CRISP2: variants seen among roughly 807,000 people sequenced by gnomAD.
The protein encoded by CRISP2 is cysteine-rich secretory protein 2.
CRISP2 carries 29 observed loss-of-function variants against 31.7 expected under a neutral mutation model. That is an observed-to-expected ratio of 0.92 (90% confidence interval 0.68 to 1.25). The LOEUF (loss-of-function observed/expected upper bound fraction) is 1.25. CRISP2 is among the 50% of genes most tolerant of loss of function. The pLI is 0.00. For missense variants in CRISP2, 318 were observed against 286.5 expected (o/e 1.11, Z -0.79); for synonymous variants, 111 against 101.4 (o/e 1.09, Z -0.57).
chr6:49,685,263 C>T, the CRISP2 span, among the ~76,000 whole-genome samples: 2 of 152,144 alleles, frequency 1.3e-5, no homozygotes, highest in African/African-American at 4.8e-5. Context: ...ACAGCATTTC[C>T]GCCCTTTGGT....
chr6:49,704,020 C>T (rs1014585219), intron 4 of CRISP2, among the ~76,000 whole-genome samples: 1 of 152,060 alleles, frequency 6.6e-6, no homozygotes. Context: ...TTAATGTAAT[C>T]CCAAACTTCT....
intron 4 of CRISP2, among the ~76,000 whole-genome samples, chr6:49,702,174 TATATATATAA>T (rs1766176917): frequency 8.1e-6 from 1 of 123,366 alleles, no homozygotes; most frequent in African/African-American, 3.1e-5. Context: ...TATATATATA[TATATATATAA>T]CATTTTCTTT....
chr6:49,712,781 T>C (rs1017238530), intron 1 of CRISP2, among the ~76,000 whole-genome samples, 177 bp from the exon 2 acceptor site: 1 of 152,238 alleles, frequency 6.6e-6, no homozygotes, highest in Non-Finnish European at 1.5e-5. Flanking sequence ...TGAGGTCAGA[T>C]TGTATTTCAA....
chr6:49,690,975 A>T (rs926008146), downstream of CRISP2, among the ~76,000 whole-genome samples: 2 of 151,842 alleles, frequency 1.3e-5, no homozygotes, highest in Non-Finnish European at 2.9e-5. Context: ...TTAACCAGTC[A>T]CTAGAGTTAG....
chr6:49,701,498 GTGTATATATATATATATA>G (rs1387098327), intron 4 of CRISP2, among the ~76,000 whole-genome samples: 5 of 62,052 alleles, frequency 8.1e-5, no homozygotes, highest in Non-Finnish European at 1.2e-4. Flanking sequence ...GTGTGTGTGT[GTGTATATATATATATATA>G]TATATATATA....
At chr6:49,713,219 A>G (rs939199762) in intron 1 of CRISP2, among the ~76,000 whole-genome samples, 9 of 152,206 alleles carry the variant, frequency 5.9e-5, no homozygotes, top group African/African-American at 1.9e-4. Context: ...TGTACTTAGA[A>G]TGATTTCTCT....
At chr6:49,712,814 A>T (rs1446672703) in intron 1 of CRISP2, among the ~76,000 whole-genome samples, 1 of 152,206 alleles carries the variant, frequency 6.6e-6, no homozygotes, top group Non-Finnish European at 1.5e-5. Context: ...TCCTTCAAAC[A>T]CTAACAAAAA....
rs1561879318 is a variant in CRISP2, at chr6:49,702,175, A to ATATG, written c.67-1392_67-1391insCATA. ...TATATATATATATATATATATATAT[A>ATATG]TATATATAACATTTTCTTTATCCAC... is the stretch of plus-strand genomic sequence containing the variant. On this transcript the variant is annotated intron_variant, in intron 4 of 9. Coordinates refer to ENST00000339139, the MANE Select transcript of CRISP2 (RefSeq NM_003296.4). Among the ~76,000 whole-genome samples, 2 of 108,950 alleles carry ATATG rather than the reference A, an allele frequency of 1.8e-5. 1 individual carries two copies. Among genetic ancestry groups the ATATG allele is most frequent in the African/African-American group, 7.1e-5 (2 of 28,304 alleles). 71.5% of individuals were successfully genotyped at this position (108,950 alleles called of 152,430 possible).
the CRISP2 span, among the ~76,000 whole-genome samples, chr6:49,687,313 G>A: frequency 1.1e-3 from 164 of 152,206 alleles, no homozygotes; most frequent in Middle Eastern, 3.4e-3. Context: ...TAATGTATTA[G>A]CATATTCAAT....
At chr6:49,703,924 C>T (rs150408149) in intron 4 of CRISP2, among the ~76,000 whole-genome samples, 1 of 148,258 alleles carries the variant, frequency 6.7e-6, no homozygotes, top group African/African-American at 2.5e-5. Context: ...GGAAAGTTTT[C>T]CTCAATTATT....
At chr6:49,680,990 T>C in the CRISP2 span, among the ~76,000 whole-genome samples, 2 of 152,214 alleles carry the variant, frequency 1.3e-5, no homozygotes, top group South Asian at 4.1e-4. Context: ...AGAAACTCTT[T>C]AGTTTAATCA....
At chr6:49,709,831 A>T (rs72862005) in intron 3 of CRISP2, among the ~76,000 whole-genome samples, 2,827 of 152,308 alleles carry the variant, frequency 0.019, 26 homozygotes, top group Non-Finnish European at 0.029. Context: ...TGCATTGAAG[A>T]TATAGCTTAT....
chr6:49,681,308 G>A, the CRISP2 span, among the ~76,000 whole-genome samples: 1 of 152,078 alleles, frequency 6.6e-6, no homozygotes, highest in Admixed American at 6.6e-5. Context: ...AGTTGTAGGT[G>A]TGCTGTCTTA....
chr6:49,709,054 C>G (rs187722545), intron 4 of CRISP2, 77 bp downstream of exon 4: 6 of 1,230,062 alleles, frequency 4.9e-6, no homozygotes, highest in East Asian at 2.3e-5. Flanking sequence ...TCTCTTACCC[C>G]CCTTTACTTT....
chr6:49,682,251 T>G, the CRISP2 span, among the ~76,000 whole-genome samples: 1 of 152,208 alleles, frequency 6.6e-6, no homozygotes, highest in Non-Finnish European at 1.5e-5. Context: ...CAGGTGGTAT[T>G]GTGGCTTTAG....
chr6:49,709,162 A>C lies in CRISP2; in HGVS notation c.35T>G (p.Val12Gly). ...TTCTGCAGGTAAAGATGGAAGCAGCACAGTAACCAGAAACAACACCGGTAG... is the reference window on the plus strand; with the variant it reads ...TTCTGCAGGTAAAGATGGAAGCAGCCCAGTAACCAGAAACAACACCGGTAG... ...ALLPVLFLVTVLLPSLPAEGK... is the reference protein window; with the variant it reads ...ALLPVLFLVTGLLPSLPAEGK... The change falls in exon 4 of 10, where the codon GTG becomes GGG. Residue 12 changes from valine to glycine, a missense_variant. By Grantham distance (109) the Val-to-Gly change is moderately radical. Transcript: ENST00000339139. 6.2e-7 allele frequency: 1 copy of C among 1,613,864 alleles called. No individual in the cohort carries two copies. Among genetic ancestry groups the C allele is most frequent in the African/African-American group, 1.3e-5 (1 of 75,050 alleles).
intron 8 of CRISP2, among the ~76,000 whole-genome samples, chr6:49,697,377 G>T (rs1764945156): frequency 6.9e-6 from 1 of 144,802 alleles, no homozygotes; most frequent in African/African-American, 2.7e-5. Context: ...CCAAATGAAT[G>T]AATAATTTGT....
chr6:49,682,366 C>A, the CRISP2 span, among the ~76,000 whole-genome samples: 6 of 152,132 alleles, frequency 3.9e-5, no homozygotes, highest in African/African-American at 1.4e-4. Flanking sequence ...TTCAACATGT[C>A]CAAACTGAAC....
the CRISP2 span, among the ~76,000 whole-genome samples, chr6:49,681,477 C>A: frequency 1.3e-5 from 2 of 151,916 alleles, no homozygotes; most frequent in African/African-American, 2.4e-5. Flanking sequence ...AGTATATAGA[C>A]CCACATTTGA....
Sources: allele counts gnomAD v4.1 joint callset (sites outside exome capture counted in the v4.1 genomes callset), GRCh38; gene constraint gnomAD v4.1.1; transcripts MANE v1.5; gene names NCBI Gene and HGNC (gene_info 2026-07-23, HGNC 2026-07-21).